ETHE1: variants seen among roughly 807,000 people sequenced by gnomAD.
ETHE1 encodes the protein persulfide dioxygenase ETHE1, mitochondrial.
A neutral mutation model predicts 25.7 loss-of-function variants in ETHE1; 16 were observed. The observed-to-expected ratio is 0.62, with a 90% CI of 0.42 to 0.95. The LOEUF is 0.95. ETHE1 is among the 40% of genes least tolerant of loss of function. The pLI is 0.00. For missense variants in ETHE1, 300 were observed against 333.6 expected (o/e 0.90, Z 0.79); for synonymous variants, 139 against 135.9 (o/e 1.02, Z -0.16).
At position 43,527,116 on chromosome 19, in the gene ETHE1, G is replaced by T; in HGVS notation, c.62C>A (p.Ala21Asp). 2 of 1,556,742 alleles carry T rather than the reference G, an allele frequency of 1.3e-6. No individual in the cohort carries two copies. The highest frequency in any genetic ancestry group is 1.9e-5 in the Admixed American group (1 of 53,548). The change falls in exon 1 of 7, where the codon GCC (alanine) becomes GAC (aspartate). Residue 21 changes from alanine (A) to aspartate (D), a missense_variant. By Grantham distance (126) the Ala-to-Asp change is moderately radical (BLOSUM62 -2). Coordinates refer to ENST00000292147, the MANE Select transcript of ETHE1 (RefSeq NM_014297.5). ...RQLSQRGGSG[A>D]PILLRQMFEP... The stretch of plus-strand genomic sequence containing the variant: ...CCGCACCTGCCGCAGGAGGATGGGG[G>T]CTCCAGACCCGCCGCGCTGGCTCAG...
intron 3 of ETHE1, among the ~76,000 whole-genome samples, chr19:43,518,735 A>G (rs1169807712): frequency 3.1e-4 from 41 of 133,810 alleles, no homozygotes; most frequent in African/African-American, 1.2e-3. Context: ...TGGGCGACAG[A>G]GCGAGACTCT....
intron 3 of ETHE1, among the ~76,000 whole-genome samples, chr19:43,515,693 G>C (rs2145993054): frequency 6.6e-6 from 1 of 152,122 alleles, no homozygotes; most frequent in East Asian, 1.9e-4. Context: ...TCCTGCCTCA[G>C]CCTCTCAAGT....
chr19:43,512,800 A>C (rs1364904387), intron 3 of ETHE1, among the ~76,000 whole-genome samples: 1 of 152,234 alleles, frequency 6.6e-6, no homozygotes, highest in African/African-American at 2.4e-5. Flanking sequence ...AATTTGTATA[A>C]GTAACGAGGA....
rs775755606 is a variant in ETHE1, at chr19:43,527,130, G to C, written c.48C>G (p.Arg16=). ...GGAGGATGGGGGCTCCAGACCCGCC[G>C]CGCTGGCTCAGCTGCCGCCGGGCGA... The part of the protein sequence containing the change: ...LRVARRQLSQ[R]GGSGAPILLR... Residue 16 remains arginine (R), a synonymous_variant, in exon 1 of 7, where the codon CGC becomes CGG. Transcript: ENST00000292147. The C allele has an allele frequency of 3.9e-6, 6 of 1,554,950 alleles. No individual in the cohort carries two copies. The South Asian group carries it at 7.0e-5, about 18-fold the overall frequency.
In ETHE1 at chr19:43,526,657, C is replaced by A; in HGVS notation, c.84G>T (p.Met28Ile). 1 of 1,613,510 alleles carries A rather than the reference C, an allele frequency of 6.2e-7. No individual in the cohort carries two copies. The highest frequency in any genetic ancestry group is 8.5e-7 in the Non-Finnish European group (1 of 1,180,026). Residue 28 changes from methionine to isoleucine, a missense_variant and splice_region_variant, in exon 2 of 7, where the codon ATG (methionine) becomes ATT (isoleucine). Transcript: ENST00000292147. ...GSGAPILLRQ[M>I]FEPVSCTFTY... ...TGAAGGTGCAGCTCACAGGCTCGAA[C>A]ATCTGGGAACGGGGGACCCAGGTGA...
chr19:43,507,692 A>G, intron 6 of ETHE1: 1 of 373,760 alleles, frequency 2.7e-6, no homozygotes, highest in Non-Finnish European at 4.8e-6. Flanking sequence ...ACTCCCTCAG[A>G]GCCAGGAGTC....
chr19:43,512,748 A>AAG (rs1568494222), intron 3 of ETHE1, among the ~76,000 whole-genome samples: 1 of 151,990 alleles, frequency 6.6e-6, no homozygotes, highest in Admixed American at 6.6e-5. Context: ...GTGATAGAAA[A>AAG]AAAAACCCAT....
intron 3 of ETHE1, among the ~76,000 whole-genome samples, chr19:43,513,678 G>A (rs1971963975): frequency 6.6e-6 from 1 of 151,606 alleles, no homozygotes; most frequent in African/African-American, 2.4e-5. Context: ...GCCCATAGGT[G>A]GGAGGGACTT....
intron 3 of ETHE1, among the ~76,000 whole-genome samples, chr19:43,522,969 A>G (rs1972165040): frequency 6.6e-6 from 1 of 152,194 alleles, no homozygotes; most frequent in African/African-American, 2.4e-5. Context: ...CTGCTGCTCT[A>G]TAGCAATAAG....
chr19:43,526,096 T>TC (rs1972237969), intron 3 of ETHE1, 105 bp downstream of exon 3: 1 of 1,558,774 alleles, frequency 6.4e-7, no homozygotes, highest in Admixed American at 1.7e-5. Context: ...GGTCCTGAGG[T>TC]CCCTCCTCCC....
intron 3 of ETHE1, among the ~76,000 whole-genome samples, chr19:43,513,630 T>TA (rs1474646797): frequency 6.6e-6 from 1 of 152,212 alleles, no homozygotes; most frequent in Non-Finnish European, 1.5e-5. Flanking sequence ...GATCCCACTG[T>TA]ATCTATGAAA....
At chr19:43,518,518 G>A (rs1156536362) in intron 3 of ETHE1, among the ~76,000 whole-genome samples, 1 of 151,854 alleles carries the variant, frequency 6.6e-6, no homozygotes, top group Non-Finnish European at 1.5e-5. Context: ...AGGCCGAGAC[G>A]GGCGGATCAC....
At chr19:43,520,044 C>T (rs1346247311) in intron 3 of ETHE1, among the ~76,000 whole-genome samples, 6 of 133,936 alleles carry the variant, frequency 4.5e-5, no homozygotes, top group Non-Finnish European at 3.2e-5. Flanking sequence ...AGACCCCCAC[C>T]CAAAAAAAAA....
At chr19:43,520,469 G>A (rs1972117850) in intron 3 of ETHE1, among the ~76,000 whole-genome samples, 1 of 152,098 alleles carries the variant, frequency 6.6e-6, no homozygotes, top group Non-Finnish European at 1.5e-5. Flanking sequence ...GGGAGGCCAA[G>A]GAGGGAGGAT....
intron 3 of ETHE1, among the ~76,000 whole-genome samples, chr19:43,523,899 G>C (rs558108457): frequency 6.6e-6 from 1 of 152,042 alleles, no homozygotes; most frequent in Non-Finnish European, 1.5e-5. Context: ...GCTTGCCATT[G>C]CACTCCAGCC....
At chr19:43,521,450 C>T (rs1329392685) in intron 3 of ETHE1, among the ~76,000 whole-genome samples, 1 of 152,104 alleles carries the variant, frequency 6.6e-6, no homozygotes, top group Non-Finnish European at 1.5e-5. Flanking sequence ...TGCACATGAG[C>T]AAGGGTGTCT....
chr19:43,520,568 G>A (rs985432289), intron 3 of ETHE1, among the ~76,000 whole-genome samples: 4 of 152,026 alleles, frequency 2.6e-5, no homozygotes, highest in South Asian at 2.1e-4. Flanking sequence ...AGGAGTGGTG[G>A]TGCACACCTG....
intron 6 of ETHE1, 105 bp from the exon 7 acceptor site, chr19:43,507,007 G>T: frequency 1.6e-6 from 2 of 1,244,884 alleles, no homozygotes; most frequent in Non-Finnish European, 2.3e-6. Flanking sequence ...GGAAACTAGA[G>T]TTTTGGTCCT....
chr19:43,526,868 C>T (rs1213368902), intron 1 of ETHE1: 15 of 1,474,096 alleles, frequency 1.0e-5, no homozygotes, highest in Non-Finnish European at 2.7e-6. Flanking sequence ...AAATCAGGGT[C>T]CCCAGCACGT....
Sources: gnomAD v4.1 joint callset for allele counts (sites outside exome capture counted in the v4.1 genomes callset) on GRCh38, gnomAD v4.1.1 for gene constraint, MANE v1.5 for transcripts, NCBI Gene and HGNC (gene_info 2026-07-23, HGNC 2026-07-21) for gene names.